ADGRB3: variants seen among roughly 807,000 people sequenced by gnomAD.
ADGRB3 encodes adhesion G protein-coupled receptor B3.
ADGRB3 carries 37 observed loss-of-function variants against 193.4 expected under a neutral mutation model. That is an observed-to-expected ratio of 0.19 (90% CI 0.15 to 0.25). The LOEUF (loss-of-function observed/expected upper bound fraction) is 0.25, where lower values mean the gene tolerates loss of function less well. Ranked by LOEUF, ADGRB3 falls within the 10% of genes least tolerant of loss-of-function variation. The probability of loss-of-function intolerance (pLI) is 1.00; values close to 1 mark genes in which losing one functional copy is unlikely to be tolerated. For synonymous variants in ADGRB3, 690 were observed against 644.2 expected (o/e 1.07, Z -1.08); for missense variants, 1,637 against 1,852.9 (o/e 0.88, Z 2.14).
rs551574095 is a variant in ADGRB3, at chr6:68,949,149, C to G, written c.1195+5155C>G. ...TTAAGAGATTTTGGAAGAAATAGGTCAAATAAACTAGGAGTATTATGATAA... is the reference window on the plus strand; with the variant it reads ...TTAAGAGATTTTGGAAGAAATAGGTGAAATAAACTAGGAGTATTATGATAA... On this transcript the variant is annotated intron_variant, in intron 6 of 31. Transcript: ENST00000370598. 1.8e-4 allele frequency among the ~76,000 whole-genome samples: 28 copies of G among 152,008 alleles called. 1 individual carries two copies. In the Middle Eastern group the frequency reaches 0.01, roughly 55 times the overall value.
intron 3 of ADGRB3, among the ~76,000 whole-genome samples, chr6:68,848,391 T>C (rs1768327822): frequency 6.6e-6 from 1 of 152,052 alleles, no homozygotes; most frequent in Non-Finnish European, 1.5e-5. Flanking sequence ...TAAGAAATGC[T>C]AACTAAGAAA....
At chr6:68,936,885 T>G (rs1767499812) in intron 5 of ADGRB3, among the ~76,000 whole-genome samples, 2 of 152,266 alleles carry the variant, frequency 1.3e-5, no homozygotes, top group African/African-American at 4.8e-5. Context: ...AAATGGCTCC[T>G]TTCTTCACTG....
At chr6:68,661,468 T>TAC in intron 3 of ADGRB3, among the ~76,000 whole-genome samples, 1 of 119,572 alleles carries the variant, frequency 8.4e-6, no homozygotes, top group African/African-American at 3.0e-5. Context: ...TATGTGTGTA[T>TAC]ATATATGTGT....
chr6:68,843,461 A>G (rs566685413), intron 3 of ADGRB3, among the ~76,000 whole-genome samples: 34 of 151,974 alleles, frequency 2.2e-4, no homozygotes, highest in Non-Finnish European at 3.8e-4. Context: ...AGAAATTAAC[A>G]TAAGGAAGTG....
intron 3 of ADGRB3, among the ~76,000 whole-genome samples, chr6:68,706,972 A>G (rs956942430): frequency 6.6e-6 from 1 of 151,962 alleles, no homozygotes; most frequent in Non-Finnish European, 1.5e-5. Flanking sequence ...TTAGCCGGGC[A>G]TGGTGGCGGG....
At chr6:68,867,952 C>T (rs1562063592) in intron 3 of ADGRB3, among the ~76,000 whole-genome samples, 1 of 152,048 alleles carries the variant, frequency 6.6e-6, no homozygotes. Flanking sequence ...GCTCATAGGC[C>T]AAAAGGACTT....
intron 3 of ADGRB3, among the ~76,000 whole-genome samples, chr6:68,846,305 T>A (rs1768273434): frequency 6.6e-6 from 1 of 152,062 alleles, no homozygotes; most frequent in African/African-American, 2.4e-5. Flanking sequence ...TGATAAAAAA[T>A]AAAAGCCCAT....
At chr6:68,768,646 C>T (rs191668307) in intron 3 of ADGRB3, among the ~76,000 whole-genome samples, 1 of 152,194 alleles carries the variant, frequency 6.6e-6, no homozygotes, top group East Asian at 1.9e-4. Context: ...GGCTTCACGA[C>T]TAAAACACCA....
intron 3 of ADGRB3, among the ~76,000 whole-genome samples, chr6:68,829,875 A>G (rs563815341): frequency 6.6e-6 from 1 of 152,172 alleles, no homozygotes; most frequent in Non-Finnish European, 1.5e-5. Flanking sequence ...ATTTACTATT[A>G]TTAGAAGAGG....
intron 3 of ADGRB3, among the ~76,000 whole-genome samples, chr6:68,917,457 T>C: frequency 6.6e-6 from 1 of 151,760 alleles, no homozygotes; most frequent in East Asian, 1.9e-4. Context: ...ACATGATAAG[T>C]TTCTAAATAT....
chr6:68,860,164 T>C (rs954333544), intron 3 of ADGRB3, among the ~76,000 whole-genome samples: 5 of 152,258 alleles, frequency 3.3e-5, no homozygotes, highest in Middle Eastern at 3.4e-3. Context: ...CTGTTCTATA[T>C]ATGCATAAAA....
chr6:69,290,554 A>G (rs1767644274), intron 20 of ADGRB3, among the ~76,000 whole-genome samples: 1 of 152,184 alleles, frequency 6.6e-6, no homozygotes, highest in African/African-American at 2.4e-5. Flanking sequence ...ATCAGTTTCT[A>G]AGTCTTTAAT....
intron 17 of ADGRB3, among the ~76,000 whole-genome samples, chr6:69,172,519 C>A (rs747449054): frequency 6.6e-6 from 1 of 151,270 alleles, no homozygotes; most frequent in East Asian, 1.9e-4. Flanking sequence ...TGGCGGGTGC[C>A]TGTAGTCCCA....
At chr6:69,248,150 C>T (rs573825250) in intron 20 of ADGRB3, among the ~76,000 whole-genome samples, 1 of 152,190 alleles carries the variant, frequency 6.6e-6, no homozygotes, top group Admixed American at 6.5e-5. Context: ...ACAAATTTCT[C>T]CCTATGTATT....
At chr6:68,984,855 T>A (rs1466062611) in intron 10 of ADGRB3, among the ~76,000 whole-genome samples, 9 of 151,684 alleles carry the variant, frequency 5.9e-5, no homozygotes, top group Admixed American at 5.9e-4. Flanking sequence ...GAAAAGAGCT[T>A]AGTGGGTTTT....
intron 20 of ADGRB3, among the ~76,000 whole-genome samples, chr6:69,318,765 T>A (rs1354248117): frequency 6.6e-6 from 1 of 151,162 alleles, no homozygotes; most frequent in African/African-American, 2.4e-5. Context: ...TTATCTGTTA[T>A]TAGTTTTATC....
At chr6:69,026,132 CT>C (rs1444176798) in intron 13 of ADGRB3, among the ~76,000 whole-genome samples, 1 of 152,178 alleles carries the variant, frequency 6.6e-6, no homozygotes, top group Non-Finnish European at 1.5e-5. Context: ...ACCTCTTGCT[CT>C]CATGGAATTT....
intron 3 of ADGRB3, among the ~76,000 whole-genome samples, chr6:68,882,300 G>A (rs778799526): frequency 1.3e-5 from 2 of 152,092 alleles, no homozygotes; most frequent in Non-Finnish European, 2.9e-5. Context: ...CTCAATATTG[G>A]TAATGTATGT....
chr6:68,930,745 C>A, intron 4 of ADGRB3, 76 bp downstream of exon 4: 1 of 1,145,344 alleles, frequency 8.7e-7, no homozygotes, highest in Non-Finnish European at 1.2e-6. Flanking sequence ...TAATCTTTTG[C>A]TGCACATTTG....
Sources: gnomAD v4.1 joint callset for allele counts (sites outside exome capture counted in the v4.1 genomes callset) on GRCh38, gnomAD v4.1.1 for gene constraint, MANE v1.5 for transcripts, NCBI Gene and HGNC (gene_info 2026-07-23, HGNC 2026-07-21) for gene names.